SMURF2: variants seen among roughly 807,000 people sequenced by gnomAD.
SMURF2 encodes the protein SMAD specific E3 ubiquitin protein ligase 2.
A neutral mutation model predicts 109.6 loss-of-function variants in SMURF2; 48 were observed. The observed-to-expected ratio is 0.44, with a 90% CI of 0.35 to 0.56. The LOEUF is 0.56. Ranked by LOEUF, SMURF2 falls within the 20% of genes least tolerant of loss-of-function variation. The pLI is 0.01. For synonymous variants in SMURF2, 288 were observed against 317.1 expected, an observed-to-expected ratio of 0.91 and a Z score of 0.97; for missense variants, 575 against 909.0, an observed-to-expected ratio of 0.63 and a Z score of 4.72.
In SMURF2 at chr17:64,547,637, G is replaced by A; in HGVS notation, c.2034C>T (p.Ser678=). The A allele has an allele frequency of 2.5e-6, 4 of 1,613,946 alleles. No homozygotes were observed. The highest frequency in any genetic ancestry group is 3.4e-6 in the Non-Finnish European group (4 of 1,180,000). ...TGAAGCCCTGCAGAGGCACTCGAGA[G>A]GATCCTGTCACAAACTGAAGCAATC... ...RARLLQFVTG[S]SRVPLQGFKA... The change falls in exon 17 of 19, where the codon TCC becomes TCT. Residue 678 remains serine, a synonymous_variant. Coordinates refer to ENST00000262435, the MANE Select transcript of SMURF2 (RefSeq NM_022739.4). This position sits in a 1 kb window ranked among gnomAD's most constrained non-coding sequence, Gnocchi z 4.2.
rs1349511562 is a variant in SMURF2, at chr17:64,581,981, C to G, written c.570-990G>C. 1.3e-5 allele frequency among the ~76,000 whole-genome samples: 2 copies of G among 150,990 alleles called. No homozygotes were observed. Among genetic ancestry groups the G allele is most frequent in the African/African-American group, 4.9e-5 (2 of 41,136 alleles). ...ATCTCCAAAAAAAAAAAAAAATTAA[C>G]ATTTAAAACAACAATCATCCTTTTA... On this transcript the variant is annotated intron_variant, in intron 7 of 18. Coordinates refer to ENST00000262435, the MANE Select transcript of SMURF2 (RefSeq NM_022739.4). The surrounding 1 kb of genome is among the most constrained non-coding windows in gnomAD (Gnocchi z 4.3).
chr17:64,631,555 T>G (rs1196960772), intron 1 of SMURF2, among the ~76,000 whole-genome samples: 1 of 152,036 alleles, frequency 6.6e-6, no homozygotes, highest in African/African-American at 2.4e-5. Context: ...TTAACTAACC[T>G]TCACAGGTGA....
rs1309161891 is a variant in SMURF2 at position 64,545,167 on chromosome 17, G to C, written c.*681C>G. 6.6e-6 allele frequency: 1 copy of C among 152,022 alleles called. No homozygotes were observed. Among genetic ancestry groups the C allele is most frequent in the African/African-American group, 2.4e-5 (1 of 41,236 alleles). 9.4% of individuals were successfully genotyped at this position (152,022 alleles called of 1,614,324 possible). A position where few individuals can be genotyped will look rare whatever the true frequency, so the allele number is the denominator to read the frequency against. ...AAGTTTAGACTAAATGGTTGCATTA[G>C]GAATTTGACAACCAAAATTATATCG... On this transcript the variant is annotated 3_prime_UTR_variant, in exon 19 of 19. Transcript: ENST00000262435.
chr17:64,624,313 A>G (rs1970239815), intron 1 of SMURF2, among the ~76,000 whole-genome samples: 1 of 151,804 alleles, frequency 6.6e-6, no homozygotes, highest in Admixed American at 6.6e-5. Flanking sequence ...CCTGGGCAAC[A>G]TGGTGAAACC....
intron 2 of SMURF2, among the ~76,000 whole-genome samples, chr17:64,599,654 C>T (rs373754606): frequency 6.6e-6 from 1 of 152,174 alleles, no homozygotes; most frequent in Admixed American, 6.5e-5. Flanking sequence ...TGGTGAACTG[C>T]GCTTGCAAGG....
chr17:64,566,575 T>TTTTTTTTTTTTTTTTG (rs1969312250), intron 10 of SMURF2, among the ~76,000 whole-genome samples: 1 of 103,264 alleles, frequency 9.7e-6, no homozygotes, highest in Non-Finnish European at 2.0e-5. Context: ...TTTTTTTTTT[T>TTTTTTTTTTTTTTTTG]TTTTTTTTTT....
chr17:64,596,063 G>A (rs1198219116), intron 3 of SMURF2, among the ~76,000 whole-genome samples: 2 of 151,478 alleles, frequency 1.3e-5, no homozygotes, highest in African/African-American at 2.4e-5. Flanking sequence ...AACATAAAAT[G>A]AGAAAACCGC....
At chr17:64,576,715 TATTAAGGAACAC>T (rs1231256077) in intron 9 of SMURF2, among the ~76,000 whole-genome samples, 1 of 152,116 alleles carries the variant, frequency 6.6e-6, no homozygotes, top group Non-Finnish European at 1.5e-5. Flanking sequence ...AATGGAATTT[TATTAAGGAACAC>T]ATAACAGAAC....
chr17:64,608,815 A>T lies in SMURF2; in HGVS notation c.53-2175T>A, dbSNP rs1194309554. Among the ~76,000 whole-genome samples the T allele has an allele frequency of 2.6e-5, 4 of 152,154 alleles. No individual in the cohort carries two copies. The South Asian group carries it at 6.2e-4, about 24-fold the overall frequency. On this transcript the variant is annotated intron_variant, in intron 1 of 18. Transcript: ENST00000262435. ...TATCTAAACCACCATGTTCTCGGGG[A>T]TCTTCACAGCTGTTATACATATCCT... is the stretch of plus-strand genomic sequence containing the variant.
chr17:64,605,109 T>C (rs782391871), intron 2 of SMURF2, among the ~76,000 whole-genome samples: 22 of 147,422 alleles, frequency 1.5e-4, no homozygotes, highest in Non-Finnish European at 1.0e-4. Context: ...AGGGATGAGG[T>C]AGGAAGTGAG....
chr17:64,648,797 A>G (rs1970595657), intron 1 of SMURF2, among the ~76,000 whole-genome samples: 2 of 151,872 alleles, frequency 1.3e-5, no homozygotes. Flanking sequence ...CACACACACA[A>G]TTTATTGAAG....
rs1969305868 is a variant in SMURF2 at position 64,566,561 on chromosome 17, G to GTTTGTTTTTTTTTTTTTTTTTTT, written c.1017-3596_1017-3595insAAAAAAAAAAAAAAAAAAACAAA. The stretch of plus-strand genomic sequence containing the variant: ...GATGTAGAAATGCTTAAGCTTTCTG[G>GTTTGTTTTTTTTTTTTTTTTTTT]TTTTTTTTTTTTTTTTTTTTTTTTT... On this transcript the variant is annotated intron_variant, in intron 10 of 18. Transcript: ENST00000262435. 1.1e-4 allele frequency among the ~76,000 whole-genome samples: 5 copies of GTTTGTTTTTTTTTTTTTTTTTTT among 43,786 alleles called. 1 individual carries two copies. The highest frequency in any genetic ancestry group is 3.8e-4 in the African/African-American group (5 of 13,304). 28.7% of individuals were successfully genotyped at this position (43,786 alleles called of 152,430 possible).
intron 2 of SMURF2, among the ~76,000 whole-genome samples, chr17:64,606,266 A>C (rs1555689043): frequency 6.6e-6 from 1 of 152,206 alleles, no homozygotes; most frequent in African/African-American, 2.4e-5. Flanking sequence ...AAAAGGAAGA[A>C]AGTGTTCACA....
intron 17 of SMURF2, 97 bp from the exon 18 acceptor site, chr17:64,546,435 G>T: frequency 9.7e-7 from 1 of 1,030,940 alleles, no homozygotes; most frequent in Non-Finnish European, 1.4e-6. Context: ...ACAGGATCTG[G>T]GGATAGGGGA....
At position 64,562,977 on chromosome 17, in the gene SMURF2, A is replaced by T; in HGVS notation, c.1017-11T>A. On this transcript the variant is annotated splice_polypyrimidine_tract_variant and intron_variant, in intron 10 of 18. Coordinates refer to ENST00000262435, the MANE Select transcript of SMURF2 (RefSeq NM_022739.4). ...AATTGGTTCTGCCGACTAGAAGTAAACATAGATGTTATTATTAAAGTATAT... is the reference window on the plus strand; with the variant it reads ...AATTGGTTCTGCCGACTAGAAGTAATCATAGATGTTATTATTAAAGTATAT... 6.3e-7 allele frequency: 1 copy of T among 1,590,412 alleles called. No homozygotes were observed.
At chr17:64,657,251 G>T (rs1484282178) in intron 1 of SMURF2, among the ~76,000 whole-genome samples, 1 of 152,172 alleles carries the variant, frequency 6.6e-6, no homozygotes, top group African/African-American at 2.4e-5. Flanking sequence ...AGTAATCTTT[G>T]AGTTGAGCCT....
At chr17:64,550,623 T>G (rs1969030071) in intron 16 of SMURF2, among the ~76,000 whole-genome samples, 1 of 151,964 alleles carries the variant, frequency 6.6e-6, no homozygotes, top group Non-Finnish European at 1.5e-5. Flanking sequence ...CTACTAAAAA[T>G]ACAAAAATTA....
rs574235870 is a variant in SMURF2 at position 64,621,566 on chromosome 17, C to T, written c.53-14926G>A. On this transcript the variant is annotated intron_variant, in intron 1 of 18. Coordinates refer to ENST00000262435, the MANE Select transcript of SMURF2 (RefSeq NM_022739.4). ...CTGCACTCTAGCCTGGGTGACAGAG[C>T]GAGACTCTGTCTCAAAAAATAATAA... is the stretch of plus-strand genomic sequence containing the variant. Among the ~76,000 whole-genome samples the T allele has an allele frequency of 7.6e-5, 11 of 145,468 alleles. No homozygotes were observed. The South Asian group carries it at 2.2e-3, about 29-fold the overall frequency.
At chr17:64,573,124 AAGAGGAGG>A (rs1568179240) in intron 9 of SMURF2, 1 of 90,794 alleles carries the variant, frequency 1.1e-5, no homozygotes, top group African/African-American at 5.0e-5. Context: ...TATTAAAAAA[AAGAGGAGG>A]AGGAGGAGGA....
Sources: allele counts gnomAD v4.1 joint callset (sites outside exome capture counted in the v4.1 genomes callset), GRCh38; gene constraint gnomAD v4.1.1; non-coding constraint Gnocchi (gnomAD v3.1); transcripts MANE v1.5; gene names NCBI Gene and HGNC (gene_info 2026-07-23, HGNC 2026-07-21).